JAK1: variants seen among roughly 807,000 people sequenced by gnomAD.
JAK1 encodes tyrosine-protein kinase JAK1.
A neutral mutation model predicts 136.6 loss-of-function variants in JAK1; 16 were observed. The ratio of observed to expected loss-of-function variants is 0.12; its 90% CI spans 0.08 to 0.18. JAK1 has a LOEUF of 0.18. JAK1 is among the 10% of genes least tolerant of loss of function. The probability of loss-of-function intolerance (pLI) is 1.00; values close to 1 mark genes in which losing one functional copy is unlikely to be tolerated. For synonymous variants in JAK1, 492 were observed against 519.5 expected (o/e 0.95, Z 0.72); for missense variants, 859 against 1,450.1 (o/e 0.59, Z 6.62).
At chr1:65,033,623 C>T (rs967405479) in intron 2 of JAK1, among the ~76,000 whole-genome samples, 3 of 150,818 alleles carry the variant, frequency 2.0e-5, no homozygotes, top group Non-Finnish European at 2.9e-5. Context: ...TGAACTGGCT[C>T]ATGCCTGTAA....
chr1:64,840,178 A>G lies in JAK1; in HGVS notation c.2650-383T>C, dbSNP rs76870382. Among the ~76,000 whole-genome samples, 268 of 152,338 alleles carry G rather than the reference A, an allele frequency of 1.8e-3. 5 individuals carry two copies. The East Asian group carries it at 0.047, about 27-fold the overall frequency. On this transcript the variant is annotated intron_variant, in intron 19 of 24. Coordinates refer to ENST00000342505, the MANE Select transcript of JAK1 (RefSeq NM_002227.4). Reference sequence around the variant, plus strand: ...GGCTGAAAAGAGCAAATGCATGAGGAGTCTTTAGAAGACGTGAGATCAGGT... The same window carrying G: ...GGCTGAAAAGAGCAAATGCATGAGGGGTCTTTAGAAGACGTGAGATCAGGT...
At chr1:64,952,139 T>G (rs76998344) in intron 1 of JAK1, among the ~76,000 whole-genome samples, 1 of 152,198 alleles carries the variant, frequency 6.6e-6, no homozygotes, top group East Asian at 1.9e-4. Context: ...GAAACATTAC[T>G]GCAGCCAAAA....
At chr1:64,959,683 C>T (rs1646249121) in intron 1 of JAK1, among the ~76,000 whole-genome samples, 1 of 152,204 alleles carries the variant, frequency 6.6e-6, no homozygotes, top group African/African-American at 2.4e-5. Context: ...CTTTGTTAGT[C>T]ATTTTTCCTT....
chr1:64,894,388 A>G (rs1252001104), intron 1 of JAK1, among the ~76,000 whole-genome samples: 1 of 152,208 alleles, frequency 6.6e-6, no homozygotes, highest in African/African-American at 2.4e-5. Context: ...CAACCCCCCA[A>G]ATGGCAAATG....
intron 2 of JAK1, among the ~76,000 whole-genome samples, chr1:65,043,148 T>C (rs1004243207): frequency 6.6e-6 from 1 of 152,164 alleles, no homozygotes; most frequent in Non-Finnish European, 1.5e-5. Context: ...ATCGCAGAAA[T>C]ATGAGGACTT....
At chr1:64,977,472 A>G (rs1398139174) in intron 2 of JAK1, among the ~76,000 whole-genome samples, 1 of 142,756 alleles carries the variant, frequency 7.0e-6, no homozygotes, top group Admixed American at 7.0e-5. Flanking sequence ...TTTTTTTTAG[A>G]TGGAGTCTTG....
chr1:64,873,966 C>A (rs916490203), intron 4 of JAK1, among the ~76,000 whole-genome samples: 1 of 152,204 alleles, frequency 6.6e-6, no homozygotes, highest in Non-Finnish European at 1.5e-5. Flanking sequence ...ATACAGCTTA[C>A]GTGGCAGTGT....
chr1:65,001,537 T>A (rs539153407), intron 2 of JAK1, among the ~76,000 whole-genome samples: 1 of 152,142 alleles, frequency 6.6e-6, no homozygotes, highest in East Asian at 1.9e-4. Context: ...AAAGAGGGGG[T>A]GCATGTGTGC....
At chr1:65,012,674 C>T (rs189681669) in intron 2 of JAK1, among the ~76,000 whole-genome samples, 33 of 151,924 alleles carry the variant, frequency 2.2e-4, no homozygotes, top group African/African-American at 7.7e-4. Context: ...CACCTGTGGC[C>T]CCAGCTACTG....
At chr1:64,982,122 A>ACG (rs1157149820) in intron 2 of JAK1, among the ~76,000 whole-genome samples, 1 of 109,642 alleles carries the variant, frequency 9.1e-6, no homozygotes, top group African/African-American at 4.5e-5. Flanking sequence ...ACGCACACAC[A>ACG]CGCACACACA....
chr1:64,952,693 C>A (rs1646112960), intron 1 of JAK1, among the ~76,000 whole-genome samples: 1 of 152,074 alleles, frequency 6.6e-6, no homozygotes, highest in Admixed American at 6.5e-5. Flanking sequence ...AGGAGTCTTC[C>A]AGTAACAGAA....
At chr1:64,853,728 C>A (rs310212) in intron 11 of JAK1, among the ~76,000 whole-genome samples, 60,686 of 151,880 alleles carry the variant, frequency 0.4, 13,237 homozygotes, top group African/African-American at 0.58. Context: ...ACATAAACTG[C>A]CTGGGCCACA....
chr1:64,862,998 C>G (rs1382265026), intron 8 of JAK1, among the ~76,000 whole-genome samples: 9 of 151,818 alleles, frequency 5.9e-5, no homozygotes, highest in Non-Finnish European at 1.3e-4. Flanking sequence ...GCCTAATATC[C>G]AGGATGCAGC....
chr1:64,962,613 G>C lies in JAK1; in HGVS notation c.-78+3720C>G, dbSNP rs371694633. On this transcript the variant is annotated intron_variant, in intron 1 of 24. Coordinates refer to ENST00000342505, the MANE Select transcript of JAK1 (RefSeq NM_002227.4). ...ATTAGTTTCCGGTCCCTGAAACCCA[G>C]TCATTTCAACATGACAGCTGTTTGA... Among the ~76,000 whole-genome samples the C allele has an allele frequency of 3.9e-5, 6 of 152,328 alleles. No homozygotes were observed. The East Asian group carries it at 1.2e-3, about 29-fold the overall frequency.
intron 1 of JAK1, among the ~76,000 whole-genome samples, chr1:64,920,800 A>G (rs765809964): frequency 1.5e-4 from 23 of 152,294 alleles, no homozygotes; most frequent in Non-Finnish European, 2.6e-4. Flanking sequence ...CTGAAGGCCA[A>G]TAGGGTTATA....
intron 1 of JAK1, among the ~76,000 whole-genome samples, chr1:64,937,102 C>T (rs149597986): frequency 6.6e-6 from 1 of 151,466 alleles, no homozygotes; most frequent in East Asian, 2.0e-4. Flanking sequence ...GTTTGGTCTA[C>T]AGGACCTCAT....
chr1:64,993,762 C>T (rs1646679162), intron 2 of JAK1, among the ~76,000 whole-genome samples: 1 of 152,200 alleles, frequency 6.6e-6, no homozygotes, highest in African/African-American at 2.4e-5. Flanking sequence ...TCTCCTCCCT[C>T]AGCCTCCCAA....
chr1:65,011,556 G>C (rs1646849213), intron 2 of JAK1, among the ~76,000 whole-genome samples: 1 of 152,178 alleles, frequency 6.6e-6, no homozygotes. Flanking sequence ...CAGAAAAAAG[G>C]TGAGAAAATA....
intron 2 of JAK1, among the ~76,000 whole-genome samples, chr1:65,010,795 C>T (rs182647144): frequency 3.3e-5 from 5 of 152,154 alleles, no homozygotes; most frequent in African/African-American, 7.2e-5. Flanking sequence ...ATAGTGAGAC[C>T]CTGTCTCTTA....
Sources: gnomAD v4.1 joint callset for allele counts (sites outside exome capture counted in the v4.1 genomes callset) on GRCh38, gnomAD v4.1.1 for gene constraint, MANE v1.5 for transcripts, NCBI Gene and HGNC (gene_info 2026-07-23, HGNC 2026-07-21) for gene names.